Variants in COL4A5 observed in about 807,000 individuals in gnomAD.
COL4A5 encodes the protein collagen type IV alpha 5 chain, also known as collagen alpha-5(IV) chain.
COL4A5 carries 26 observed loss-of-function variants against 130.2 expected under a neutral mutation model. That is an observed-to-expected ratio of 0.20 (90% CI 0.15 to 0.28). The LOEUF is 0.28. Among genes scored for constraint, COL4A5 ranks in the 10% least tolerant of loss-of-function variants. COL4A5 has a pLI of 1.00. For missense variants in COL4A5, 1,131 were observed against 1,344.3 expected (o/e 0.84, Z 2.48); for synonymous variants, 496 against 439.6 (o/e 1.13, Z -1.60).
intron 1 of COL4A5, among the ~76,000 whole-genome samples, chrX:108,451,800 G>C (rs1436236427): frequency 3.6e-5 from 4 of 110,385 alleles, no homozygotes; most frequent in Non-Finnish European, 5.7e-5. Context: ...TAGGTTGCCT[G>C]TTCACTCTGA....
intron 33 of COL4A5, 81 bp downstream of exon 33, chrX:108,622,906 TA>T (rs1282313333): frequency 1.0e-6 from 1 of 956,148 alleles, no homozygotes; most frequent in African/African-American, 2.0e-5. Flanking sequence ...AAGTGACTTA[TA>T]ATACAGAATT....
chrX:108,490,667 G>C (rs1340959550), intron 1 of COL4A5, among the ~76,000 whole-genome samples: 4 of 110,732 alleles, frequency 3.6e-5, no homozygotes, highest in African/African-American at 1.3e-4. Context: ...TCTTATTTTA[G>C]GTTTGGGGGT....
chrX:108,468,482 A>G (rs1217122610), intron 1 of COL4A5, among the ~76,000 whole-genome samples: 6 of 106,001 alleles, frequency 5.7e-5, no homozygotes, highest in South Asian at 4.0e-4. Context: ...ATTCAGTTAG[A>G]TGTGGGTTTT....
intron 1 of COL4A5, among the ~76,000 whole-genome samples, chrX:108,476,427 T>C (rs1367430115): frequency 9.1e-6 from 1 of 110,039 alleles, no homozygotes; most frequent in African/African-American, 3.3e-5. Context: ...AATCCAGTTA[T>C]ACTCTCTTAG....
At chrX:108,493,892 T>G (rs1439032165) in intron 1 of COL4A5, among the ~76,000 whole-genome samples, 1 of 110,782 alleles carries the variant, frequency 9.0e-6, no homozygotes, top group Non-Finnish European at 1.9e-5. Flanking sequence ...AATGGTTCTG[T>G]ATATCTTATT....
chrX:108,473,633 A>ATATATATATATATATATATATTTT lies in COL4A5; in HGVS notation c.81+33428_81+33429insATATATATATATATATATATTTTT. On this transcript the variant is annotated intron_variant, in intron 1 of 52. Transcript: ENST00000328300. ...TATATGTATATATATATATATATAT[A>ATATATATATATATATATATATTTT]TTTTTTTTTTTTTGAGATGAAGTCT... Among the ~76,000 whole-genome samples, 41 of 34,544 alleles carry ATATATATATATATATATATATTTT rather than the reference A, an allele frequency of 1.2e-3. 2 individuals are homozygous for ATATATATATATATATATATATTTT. The highest frequency in any genetic ancestry group is 1.9e-3 in the Non-Finnish European group (31 of 16,537). The allele number at this position is 34,544 out of a possible 115,157, so 30.0% of individuals were successfully genotyped here. A position where few individuals can be genotyped will look rare whatever the true frequency, so the allele number is the denominator to read the frequency against.
At chrX:108,466,983 T>A (rs1036454581) in intron 1 of COL4A5, among the ~76,000 whole-genome samples, 2 of 112,339 alleles carry the variant, frequency 1.8e-5, no homozygotes, top group Non-Finnish European at 3.8e-5. Flanking sequence ...GTTGTTTTTT[T>A]CACTTTTGTG....
Position 108,696,315 on chromosome X carries a change from G to T in COL4A5, c.5013G>T (p.Thr1671=). ...TTCCCAGTAAACCTCAGTCAGAAACGCTGAAAGCAGGAGACTTGAGGACAC... is the reference window on the plus strand; with the variant it reads ...TTCCCAGTAAACCTCAGTCAGAAACTCTGAAAGCAGGAGACTTGAGGACAC... ...SDMFSKPQSE[T]LKAGDLRTRI... The change falls in exon 53 of 53, where the codon ACG becomes ACT. Residue 1671 remains threonine (T), a synonymous_variant. Coordinates refer to ENST00000328300, the MANE Select transcript of COL4A5 (RefSeq NM_033380.3). The T allele has an allele frequency of 8.3e-7, 1 of 1,208,459 alleles. No individual in the cohort carries two copies. Among genetic ancestry groups the T allele is most frequent in the South Asian group, 1.8e-5 (1 of 56,956 alleles).
intron 1 of COL4A5, among the ~76,000 whole-genome samples, chrX:108,473,613 G>GTGTATATATATATATATA (rs1556359434): frequency 2.2e-5 from 1 of 46,100 alleles, no homozygotes; most frequent in Non-Finnish European, 4.4e-5. Flanking sequence ...ATATATATAT[G>GTGTATATATATATATATA]TATATATATA....
At chrX:108,481,642 G>C (rs778385287) in intron 1 of COL4A5, among the ~76,000 whole-genome samples, 1 of 111,323 alleles carries the variant, frequency 9.0e-6, no homozygotes, top group Non-Finnish European at 1.9e-5. Flanking sequence ...TGTCCATTAC[G>C]GTAGGTACAC....
intron 1 of COL4A5, among the ~76,000 whole-genome samples, chrX:108,535,639 G>A (rs1350041839): frequency 9.0e-6 from 1 of 110,615 alleles, no homozygotes; most frequent in Non-Finnish European, 1.9e-5. Flanking sequence ...CTGGGTGTGG[G>A]ATTGTGAGGT....
chrX:108,572,639 T>C (rs541961039), intron 8 of COL4A5, among the ~76,000 whole-genome samples: 8 of 111,776 alleles, frequency 7.2e-5, no homozygotes, highest in African/African-American at 2.6e-4. Context: ...AATCATAATG[T>C]CTCATCTGGA....
intron 1 of COL4A5, among the ~76,000 whole-genome samples, chrX:108,524,993 G>A (rs1046289024): frequency 8.9e-6 from 1 of 111,974 alleles, no homozygotes; most frequent in African/African-American, 3.2e-5. Context: ...TTGAATAGAT[G>A]TGTCTTAAAT....
intron 1 of COL4A5, among the ~76,000 whole-genome samples, chrX:108,495,721 A>G (rs1428022378): frequency 1.8e-5 from 2 of 112,172 alleles, no homozygotes; most frequent in Non-Finnish European, 3.8e-5. Flanking sequence ...AGCCAAGTGG[A>G]TAGGATGACC....
intron 2 of COL4A5, among the ~76,000 whole-genome samples, chrX:108,549,097 CTATT>C (rs1285697685): frequency 9.0e-6 from 1 of 111,528 alleles, no homozygotes; most frequent in Non-Finnish European, 1.9e-5. Flanking sequence ...CTCTTTTCCT[CTATT>C]TATTTAACAG....
chrX:108,556,379 C>G (rs1403742894), intron 2 of COL4A5, among the ~76,000 whole-genome samples: 1 of 110,937 alleles, frequency 9.0e-6, no homozygotes, highest in Non-Finnish European at 1.9e-5. Context: ...ATGTTTCAGA[C>G]AGTTGCCTAT....
At chrX:108,663,433 C>A (rs181524758) in intron 37 of COL4A5, among the ~76,000 whole-genome samples, 1 of 111,463 alleles carries the variant, frequency 9.0e-6, no homozygotes, top group Non-Finnish European at 1.9e-5. Context: ...AATGGAAGAT[C>A]AAAATTGTTT....
chrX:108,512,941 C>A (rs1460352933), intron 1 of COL4A5, among the ~76,000 whole-genome samples: 1 of 110,884 alleles, frequency 9.0e-6, no homozygotes, highest in Admixed American at 9.6e-5. Flanking sequence ...CCTACAGTTT[C>A]GACCATAGAA....
rs761626516 is a variant in COL4A5 at position 108,496,720 on chromosome X, T to C, written c.82-43026T>C. Among the ~76,000 whole-genome samples the C allele has an allele frequency of 8.0e-4, 90 of 111,961 alleles. No homozygotes were observed. In the Middle Eastern group the frequency reaches 0.014, roughly 17 times the overall value. On this transcript the variant is annotated intron_variant, in intron 1 of 52. Transcript: ENST00000328300. ...ATGTTTTGAAGCTCTGTTAGTTGTA[T>C]ACACATTCAAATATTATGTCATCTT...
Sources: allele counts gnomAD v4.1 joint callset (sites outside exome capture counted in the v4.1 genomes callset), GRCh38; gene constraint gnomAD v4.1.1; transcripts MANE v1.5; gene names NCBI Gene and HGNC (gene_info 2026-07-23, HGNC 2026-07-21).